Variants in USP39 observed in about 807,000 individuals in gnomAD.
USP39 encodes the protein ubiquitin carboxyl-terminal hydrolase 39.
USP39 carries 38 observed loss-of-function variants against 66.4 expected under a neutral mutation model. The observed-to-expected ratio is 0.57, with a 90% CI of 0.44 to 0.75. The LOEUF is 0.75. Among genes scored for constraint, USP39 ranks in the 30% least tolerant of loss-of-function variants. The pLI is 0.00. For synonymous variants in USP39, 303 were observed against 274.6 expected, an observed-to-expected ratio of 1.10 and a Z score of -1.02; for missense variants, 608 against 714.4, an observed-to-expected ratio of 0.85 and a Z score of 1.70.
chr2:85,630,201 T>C (rs1454610024), intron 5 of USP39, among the ~76,000 whole-genome samples: 2 of 152,166 alleles, frequency 1.3e-5, no homozygotes, highest in Non-Finnish European at 2.9e-5. Context: ...TATTTACTTT[T>C]ATGTACAATT....
In USP39 at chr2:85,628,491, A is replaced by T. The variant is rs532947064; in HGVS notation, c.724-2230A>T. Among the ~76,000 whole-genome samples the T allele has an allele frequency of 3.9e-5, 6 of 152,302 alleles. 1 individual carries two copies. In the East Asian group the frequency reaches 1.2e-3, roughly 29 times the overall value. ...GGACAGATAGAATTTGGATTTGGTC[A>T]GAGCTGTTAGTCTTGGCTTTCTGAT... is the stretch of plus-strand genomic sequence containing the variant. On this transcript the variant is annotated intron_variant, in intron 5 of 12. Coordinates refer to ENST00000323701, the MANE Select transcript of USP39 (RefSeq NM_006590.4).
At chr2:85,642,309 G>A (rs1676296039) in intron 10 of USP39, among the ~76,000 whole-genome samples, 1 of 152,214 alleles carries the variant, frequency 6.6e-6, no homozygotes, top group Non-Finnish European at 1.5e-5. Context: ...TTTGTTCTCT[G>A]CCTCCTTGAG....
chr2:85,623,765 T>A lies in USP39; in HGVS notation c.553T>A (p.Ser185Thr). ...AGACAACTATGAGATCATCGATTCC[T>A]CATTGGAGGATATCACGGTGTGTGT... ...LPDNYEIIDS[S>T]LEDITYVLKP... Residue 185 changes from serine (S) to threonine (T), a missense_variant, in exon 4 of 13, where the codon TCA becomes ACA. By Grantham distance (58) the Ser-to-Thr change is moderately conservative. Transcript: ENST00000323701. 6.2e-7 allele frequency: 1 copy of A among 1,612,656 alleles called. No homozygotes were observed. The highest frequency in any genetic ancestry group is 1.1e-5 in the South Asian group (1 of 90,730).
chr2:85,629,568 C>T (rs1675163005), intron 5 of USP39, among the ~76,000 whole-genome samples: 2 of 149,790 alleles, frequency 1.3e-5, no homozygotes, highest in South Asian at 4.2e-4. Flanking sequence ...GCCATCTTGG[C>T]TCACTGCAAC....
chr2:85,615,407 G>T (rs971679836), upstream of USP39, among the ~76,000 whole-genome samples: 3 of 152,220 alleles, frequency 2.0e-5, no homozygotes, highest in Admixed American at 6.5e-5. Flanking sequence ...TTCAAGGCAG[G>T]TCCTGAGGTT....
chr2:85,625,465 G>T (rs1401189508), intron 4 of USP39, 74 bp from the exon 5 acceptor site: 9 of 1,578,666 alleles, frequency 5.7e-6, no homozygotes, highest in Admixed American at 3.6e-5. Flanking sequence ...TTTTGTTTTT[G>T]TAGAAATTAC....
intron 9 of USP39, among the ~76,000 whole-genome samples, chr2:85,640,230 G>A (rs1676119172): frequency 6.6e-6 from 1 of 151,718 alleles, no homozygotes; most frequent in African/African-American, 2.4e-5. Flanking sequence ...TGCCTCTGGG[G>A]TAGTATAGAG....
At chr2:85,617,654 A>C (rs955252289) in intron 1 of USP39, among the ~76,000 whole-genome samples, 11 of 152,166 alleles carry the variant, frequency 7.2e-5, no homozygotes, top group Admixed American at 4.6e-4. Context: ...CGTTTGAAAA[A>C]ATGGTTAATG....
chr2:85,628,987 A>C (rs940823155), intron 5 of USP39, among the ~76,000 whole-genome samples: 6 of 152,178 alleles, frequency 3.9e-5, no homozygotes, highest in African/African-American at 1.4e-4. Context: ...TGGTAAGCAC[A>C]GTGCTGGTCG....
intron 2 of USP39, among the ~76,000 whole-genome samples, chr2:85,620,149 C>T (rs112756646): frequency 0.082 from 12,391 of 151,176 alleles, 1,058 homozygotes; most frequent in East Asian, 0.32. Context: ...TGAGCCACCA[C>T]GCCCAGCCAA....
At chr2:85,611,622 C>T (rs1673533934), upstream of USP39, 1 of 1,560,808 alleles carries the variant, frequency 6.4e-7, no homozygotes, top group South Asian at 1.2e-5. Context: ...GAGTGCGTTG[C>T]AGGAAGAGCG....
Position 85,631,730 on chromosome 2 carries a change from T to TTTTTG in USP39, c.949+808_949+812dup, listed in dbSNP as rs955411421. On this transcript the variant is annotated intron_variant, in intron 6 of 12. Transcript: ENST00000323701. The stretch of plus-strand genomic sequence containing the variant: ...CCCACATTAGGGTATTCTGATGATA[T>TTTTTG]TTTTGTTTTGTTTTGTTTTGTTTTG... Among the ~76,000 whole-genome samples, 34 of 152,014 alleles carry TTTTTG rather than the reference T, an allele frequency of 2.2e-4. 1 individual carries two copies. Among genetic ancestry groups the TTTTTG allele is most frequent in the Admixed American group, 3.9e-4 (6 of 15,244 alleles).
intron 7 of USP39, among the ~76,000 whole-genome samples, 193 bp from the exon 8 acceptor site, chr2:85,637,176 T>C (rs1328663125): frequency 6.6e-6 from 1 of 152,202 alleles, no homozygotes; most frequent in Non-Finnish European, 1.5e-5. Context: ...AGAAATAAAG[T>C]AATTATTTAC....
chr2:85,625,696 G>T lies in USP39; in HGVS notation c.723+5G>T. 1 of 1,610,772 alleles carries T rather than the reference G, an allele frequency of 6.2e-7. No individual in the cohort carries two copies. Among genetic ancestry groups the T allele is most frequent in the South Asian group, 1.1e-5 (1 of 90,976 alleles). On this transcript the variant is annotated splice_donor_5th_base_variant and intron_variant, in intron 5 of 12. Transcript: ENST00000323701. ...TATGCCAACGCTGTCCTTCAGGTAA[G>T]ATCAAGACGGGAACATTGAGGAAGA... is the stretch of plus-strand genomic sequence containing the variant.
At chr2:85,632,534 G>A (rs1234480688) in intron 6 of USP39, among the ~76,000 whole-genome samples, 6 of 141,926 alleles carry the variant, frequency 4.2e-5, no homozygotes, top group East Asian at 2.1e-4. Flanking sequence ...TGCAACCTCC[G>A]CCTCCTGGGT....
At chr2:85,609,024 G>A (rs769485684), upstream of USP39, 31 of 1,614,214 alleles carry the variant, frequency 1.9e-5, no homozygotes, top group Admixed American at 2.7e-4. Flanking sequence ...ATCCAGAGGC[G>A]TGTGTGCCGA....
chr2:85,630,865 T>G lies in USP39; in HGVS notation c.868T>G (p.Phe290Val). 1 of 1,614,188 alleles carries G rather than the reference T, an allele frequency of 6.2e-7. No individual in the cohort carries two copies. Among genetic ancestry groups the G allele is most frequent in the Non-Finnish European group, 8.5e-7 (1 of 1,180,042 alleles). Residue 290 changes from phenylalanine (F) to valine (V), a missense_variant, in exon 6 of 13, where the codon TTC becomes GTC. Around this residue, in one of 6 missense-constraint regions of USP39, gnomAD observed 17 missense variants for 38.0 expected, o/e 0.45. Transcript: ENST00000323701. ...GAGAAAGCTCTGGAACCCTCGAAATTTCAAGGCACATGTGTCTCCCCATGA... is the reference window on the plus strand; with the variant it reads ...GAGAAAGCTCTGGAACCCTCGAAATGTCAAGGCACATGTGTCTCCCCATGA... ...LMRKLWNPRN[F>V]KAHVSPHEML...
At chr2:85,623,069 T>C (rs905658814) in intron 3 of USP39, among the ~76,000 whole-genome samples, 2 of 152,126 alleles carry the variant, frequency 1.3e-5, no homozygotes, top group African/African-American at 4.8e-5. Context: ...TATGTTGAGT[T>C]CATGGAAGAG....
At position 85,649,133 on chromosome 2, in the gene USP39, A is replaced by T; in HGVS notation, c.*325A>T. The T allele has an allele frequency of 3.8e-6, 1 of 260,686 alleles. No individual in the cohort carries two copies. Among genetic ancestry groups the T allele is most frequent in the Non-Finnish European group, 7.2e-6 (1 of 138,416 alleles). 16.1% of individuals were successfully genotyped at this position (260,686 alleles called of 1,614,324 possible). ...ATCTGGGAGTAGTTGAAGAACAGAT[A>T]ATTCCTTCCAAACATCAAGCCTTGG... is the stretch of plus-strand genomic sequence containing the variant. On this transcript the variant is annotated 3_prime_UTR_variant, in exon 13 of 13. Coordinates refer to ENST00000323701, the MANE Select transcript of USP39 (RefSeq NM_006590.4).
Sources: allele counts gnomAD v4.1 joint callset (sites outside exome capture counted in the v4.1 genomes callset), GRCh38; gene constraint gnomAD v4.1.1; regional missense constraint gnomAD v4.1.1; transcripts MANE v1.5; gene names NCBI Gene and HGNC (gene_info 2026-07-23, HGNC 2026-07-21).